Variants in ATP8A2 observed in about 807,000 individuals in gnomAD.
The protein encoded by ATP8A2 is phospholipid-transporting ATPase IB.
In ATP8A2, 100 loss-of-function variants were observed where a neutral mutation model predicts 165.6. The observed-to-expected ratio is 0.60, with a 90% CI of 0.51 to 0.71. The LOEUF is 0.71. ATP8A2 is among the 30% of genes least tolerant of loss of function. The pLI is 0.00. For missense variants in ATP8A2, 1,227 were observed against 1,479.5 expected (o/e 0.83, Z 2.80); for synonymous variants, 543 against 548.8 (o/e 0.99, Z 0.15).
chr13:25,393,638 A>T (rs2033323822), intron 1 of ATP8A2, among the ~76,000 whole-genome samples: 1 of 150,710 alleles, frequency 6.6e-6, no homozygotes, highest in South Asian at 2.1e-4. Context: ...CTGGTCTTGA[A>T]CTCCTGACCT....
chr13:25,720,538 G>A (rs2043356149), intron 25 of ATP8A2, among the ~76,000 whole-genome samples: 1 of 152,086 alleles, frequency 6.6e-6, no homozygotes, highest in South Asian at 2.1e-4. Flanking sequence ...CATCTTTATG[G>A]ACCTTGGGAT....
chr13:25,607,003 C>G (rs957270032), intron 24 of ATP8A2, among the ~76,000 whole-genome samples: 1 of 151,940 alleles, frequency 6.6e-6, no homozygotes, highest in Non-Finnish European at 1.5e-5. Context: ...GAGTGGCAGG[C>G]GAGCTCCCAT....
At chr13:25,715,876 T>C (rs576847538) in intron 25 of ATP8A2, among the ~76,000 whole-genome samples, 2 of 152,332 alleles carry the variant, frequency 1.3e-5, no homozygotes, top group African/African-American at 4.8e-5. Context: ...AAAACAGAAC[T>C]GCCAGACTGT....
chr13:25,444,955 T>A (rs568044910), intron 1 of ATP8A2, among the ~76,000 whole-genome samples: 46 of 152,314 alleles, frequency 3.0e-4, no homozygotes, highest in Admixed American at 1.4e-3. Flanking sequence ...TCTTTTCATG[T>A]GTTTATTGGC....
chr13:25,650,191 C>A (rs544656812), intron 24 of ATP8A2, among the ~76,000 whole-genome samples: 4 of 152,146 alleles, frequency 2.6e-5, no homozygotes, highest in Admixed American at 2.0e-4. Flanking sequence ...CCTTTCCATG[C>A]GGCTTTTATT....
At chr13:25,393,752 A>T (rs9511782) in intron 1 of ATP8A2, among the ~76,000 whole-genome samples, 42,394 of 152,064 alleles carry the variant, frequency 0.28, 6,569 homozygotes, top group African/African-American at 0.41. Flanking sequence ...TATATAACTT[A>T]CAGCATCTTA....
rs530239517 is a variant in ATP8A2 at position 25,868,897 on chromosome 13, G to A, written c.3183+6489G>A. 2.6e-5 allele frequency among the ~76,000 whole-genome samples: 4 copies of A among 151,926 alleles called. No individual in the cohort carries two copies. In the East Asian group the frequency reaches 5.8e-4, roughly 22 times the overall value. ...ACTCTGGCTAACACAGTGAAACCCC[G>A]TCTCTACTAAAAATAGAAAAAATTA... is the stretch of plus-strand genomic sequence containing the variant. On this transcript the variant is annotated intron_variant, in intron 33 of 36. Transcript: ENST00000381655.
At chr13:25,472,924 G>C (rs1310905472) in intron 2 of ATP8A2, among the ~76,000 whole-genome samples, 1 of 152,184 alleles carries the variant, frequency 6.6e-6, no homozygotes, top group Non-Finnish European at 1.5e-5. Context: ...GCTGGCATTT[G>C]ACTAGGAATG....
At chr13:25,530,517 A>C in intron 3 of ATP8A2, 45 bp from the exon 4 acceptor site, 5 of 1,180,608 alleles carry the variant, frequency 4.2e-6, no homozygotes, top group Non-Finnish European at 6.2e-6. Context: ...CATGGAGAGG[A>C]TTTTTAATGT....
intron 35 of ATP8A2, among the ~76,000 whole-genome samples, chr13:26,002,739 G>A (rs766604566): frequency 1.5e-4 from 23 of 151,986 alleles, no homozygotes; most frequent in Non-Finnish European, 3.1e-4. Flanking sequence ...AGATCATGCA[G>A]CACTTGTCTT....
At chr13:25,405,739 G>A (rs925972764) in intron 1 of ATP8A2, among the ~76,000 whole-genome samples, 1 of 152,184 alleles carries the variant, frequency 6.6e-6, no homozygotes, top group African/African-American at 2.4e-5. Flanking sequence ...TAGAAACAAA[G>A]TGTTAAGATA....
chr13:25,576,579 G>A (rs1187426365), intron 19 of ATP8A2, among the ~76,000 whole-genome samples: 1 of 149,680 alleles, frequency 6.7e-6, no homozygotes, highest in Non-Finnish European at 1.5e-5. Flanking sequence ...GGGAGAGAGA[G>A]TTCCTTGGTG....
chr13:25,765,744 G>T (rs999255747), intron 25 of ATP8A2, among the ~76,000 whole-genome samples: 2 of 152,140 alleles, frequency 1.3e-5, no homozygotes, highest in Non-Finnish European at 2.9e-5. Context: ...TGACTTACTT[G>T]AGATCCAAAT....
At position 25,860,107 on chromosome 13, in the gene ATP8A2, T is replaced by C. The variant is rs922755479; in HGVS notation, c.2957-88T>C. On this transcript the variant is annotated intron_variant, in intron 30 of 36. Coordinates refer to ENST00000381655, the MANE Select transcript of ATP8A2 (RefSeq NM_016529.6). ...AAATACTCTGTGAGTTGATTGATGTTCCTAAAGTTCCCTGTTTAATGCTCT... is the reference window on the plus strand; with the variant it reads ...AAATACTCTGTGAGTTGATTGATGTCCCTAAAGTTCCCTGTTTAATGCTCT... 4 of 769,828 alleles carry C rather than the reference T, an allele frequency of 5.2e-6. No individual in the cohort carries two copies. In the African/African-American group the frequency reaches 6.8e-5, roughly 13 times the overall value. The allele number at this position is 769,828 out of a possible 1,614,324, so 47.7% of individuals were successfully genotyped here. A position where few individuals can be genotyped will look rare whatever the true frequency, so the allele number is the denominator to read the frequency against.
chr13:25,950,218 T>A (rs1259539679), intron 33 of ATP8A2, among the ~76,000 whole-genome samples: 1 of 152,180 alleles, frequency 6.6e-6, no homozygotes, highest in Non-Finnish European at 1.5e-5. Flanking sequence ...GTTTCCCACG[T>A]CACGACCTGT....
At chr13:25,698,289 G>T (rs763627827) in intron 24 of ATP8A2, among the ~76,000 whole-genome samples, 1 of 151,160 alleles carries the variant, frequency 6.6e-6, no homozygotes, top group Non-Finnish European at 1.5e-5. Flanking sequence ...GGTGTGCTCA[G>T]TGTTCACTAC....
At chr13:25,694,767 T>C (rs2137886524) in intron 24 of ATP8A2, among the ~76,000 whole-genome samples, 1 of 152,244 alleles carries the variant, frequency 6.6e-6, no homozygotes, top group Non-Finnish European at 1.5e-5. Flanking sequence ...AATTCCTGGG[T>C]TCAAGCGATC....
chr13:25,860,087 C>A, intron 30 of ATP8A2, 108 bp from the exon 31 acceptor site: 1 of 648,868 alleles, frequency 1.5e-6, no homozygotes, highest in Non-Finnish European at 2.8e-6. Flanking sequence ...TTTTGAAATA[C>A]TCTGTGAGTT....
At chr13:25,665,413 G>C (rs1024284816) in intron 24 of ATP8A2, among the ~76,000 whole-genome samples, 1 of 152,106 alleles carries the variant, frequency 6.6e-6, no homozygotes, top group African/African-American at 2.4e-5. Context: ...GTAACATAGG[G>C]AGATCCTGTC....
Sources: allele counts gnomAD v4.1 joint callset (sites outside exome capture counted in the v4.1 genomes callset), GRCh38; gene constraint gnomAD v4.1.1; transcripts MANE v1.5; gene names NCBI Gene and HGNC (gene_info 2026-07-23, HGNC 2026-07-21).